CSMD1: variants seen among roughly 807,000 people sequenced by gnomAD.
CSMD1 encodes CUB and Sushi multiple domains 1.
CSMD1 carries 213 observed loss-of-function variants against 417.5 expected under a neutral mutation model. That is an observed-to-expected ratio of 0.51 (90% confidence interval 0.46 to 0.57). CSMD1 has a LOEUF of 0.57. Ranked by LOEUF, CSMD1 falls within the 20% of genes least tolerant of loss-of-function variation. The pLI, the probability that CSMD1 is intolerant of heterozygous loss-of-function variation, is 0.00. For missense variants in CSMD1, 6,923 were observed against 4,529.7 expected (o/e 1.53, Z -15.17); for synonymous variants, 2,862 against 1,736.8 (o/e 1.65, Z -16.11).
chr8:3,601,017 C>A (rs936652), intron 8 of CSMD1, among the ~76,000 whole-genome samples: 19,473 of 152,050 alleles, frequency 0.13, 1,510 homozygotes, highest in East Asian at 0.22. Flanking sequence ...GTGCAAGAAT[C>A]AGCTATGATT....
At chr8:4,296,504 G>C (rs1474674347) in intron 3 of CSMD1, among the ~76,000 whole-genome samples, 3 of 151,996 alleles carry the variant, frequency 2.0e-5, no homozygotes, top group Non-Finnish European at 4.4e-5. Flanking sequence ...TTTTCCCAAA[G>C]AGAGGGTTTA....
chr8:3,528,162 T>C lies in CSMD1; in HGVS notation c.1345-34436A>G, dbSNP rs189044874. On this transcript the variant is annotated intron_variant, in intron 10 of 69. Transcript: ENST00000635120. ...GGAGCTGACATAGAATTATTTTGCA[T>C]GGTTAACTCCCCTGGTAGAATCAAA... Among the ~76,000 whole-genome samples the C allele has an allele frequency of 3.9e-5, 6 of 152,346 alleles. No individual in the cohort carries two copies. The East Asian group carries it at 1.2e-3, about 29-fold the overall frequency.
At position 4,745,471 on chromosome 8, in the gene CSMD1, A is replaced by G. The variant is rs185949310; in HGVS notation, c.86-107913T>C. ...AAAGCTCTCTTAGATACTATTTAACACTGTGGTATCATATATTCTTTCTTA... is the reference window on the plus strand; with the variant it reads ...AAAGCTCTCTTAGATACTATTTAACGCTGTGGTATCATATATTCTTTCTTA... On this transcript the variant is annotated intron_variant, in intron 1 of 69. Coordinates refer to ENST00000635120, the MANE Select transcript of CSMD1 (RefSeq NM_033225.6). Among the ~76,000 whole-genome samples the G allele has an allele frequency of 1.7e-3, 255 of 152,330 alleles. 3 individuals are homozygous for G. The highest frequency in any genetic ancestry group is 5.9e-3 in the African/African-American group (245 of 41,590).
chr8:4,923,909 T>C lies in CSMD1; in HGVS notation c.85+70423A>G, dbSNP rs867153435. Among the ~76,000 whole-genome samples, 89 of 152,326 alleles carry C rather than the reference T, an allele frequency of 5.8e-4. No homozygotes were observed. In the Middle Eastern group the frequency reaches 0.014, roughly 23 times the overall value. Reference sequence around the variant, plus strand: ...ACTTTATCTGTATAGGTTTCTTTGGTTTGGGTTCTATGGAGGAAAGAAAGT... The same window carrying C: ...ACTTTATCTGTATAGGTTTCTTTGGCTTGGGTTCTATGGAGGAAAGAAAGT... On this transcript the variant is annotated intron_variant, in intron 1 of 69. Transcript: ENST00000635120.
intron 50 of CSMD1, among the ~76,000 whole-genome samples, chr8:3,036,790 C>G (rs187735953): frequency 6.6e-6 from 1 of 152,248 alleles, no homozygotes; most frequent in East Asian, 1.9e-4. Context: ...AAGACAAAAT[C>G]AAGAACATGG....
At chr8:3,488,941 G>C (rs978475367) in intron 11 of CSMD1, among the ~76,000 whole-genome samples, 1 of 152,072 alleles carries the variant, frequency 6.6e-6, no homozygotes. Context: ...AACCGAAAAT[G>C]TATTTAAGTC....
chr8:4,973,774 G>C (rs1810381709), intron 1 of CSMD1, among the ~76,000 whole-genome samples: 1 of 152,110 alleles, frequency 6.6e-6, no homozygotes, highest in African/African-American at 2.4e-5. Flanking sequence ...AGATGTAAAA[G>C]GGAAACTTAG....
At chr8:4,778,778 C>T (rs531182108) in intron 1 of CSMD1, among the ~76,000 whole-genome samples, 1 of 152,282 alleles carries the variant, frequency 6.6e-6, no homozygotes, top group Non-Finnish European at 1.5e-5. Context: ...TTTAGGAGAA[C>T]ATAACATACA....
chr8:4,758,296 T>C lies in CSMD1; in HGVS notation c.86-120738A>G, dbSNP rs554220231. ...TCAGCTGTTTCCCAACGTTGCCTTTTGAATGTTATGCTTAATTCGCTGGTT... is the reference window on the plus strand; with the variant it reads ...TCAGCTGTTTCCCAACGTTGCCTTTCGAATGTTATGCTTAATTCGCTGGTT... On this transcript the variant is annotated intron_variant, in intron 1 of 69. Transcript: ENST00000635120. Among the ~76,000 whole-genome samples the C allele has an allele frequency of 5.9e-5, 9 of 152,336 alleles. No homozygotes were observed. The East Asian group carries it at 1.7e-3, about 29-fold the overall frequency.
chr8:4,091,763 T>A (rs1455572589), intron 3 of CSMD1, among the ~76,000 whole-genome samples: 5 of 152,218 alleles, frequency 3.3e-5, no homozygotes, highest in African/African-American at 1.2e-4. Flanking sequence ...GTATTTAACA[T>A]ATTCTACTTT....
chr8:4,581,422 G>C (rs756064551), intron 2 of CSMD1, among the ~76,000 whole-genome samples: 4 of 151,804 alleles, frequency 2.6e-5, no homozygotes, highest in Non-Finnish European at 5.9e-5. Context: ...TTATCTTTTT[G>C]AGCTTGGCAG....
chr8:4,217,536 GTCT>G (rs1800757102), intron 3 of CSMD1, among the ~76,000 whole-genome samples: 1 of 152,124 alleles, frequency 6.6e-6, no homozygotes, highest in Non-Finnish European at 1.5e-5. Flanking sequence ...TGGTGGAAGT[GTCT>G]TCTTGAATAA....
At chr8:3,758,839 T>G (rs1365718106) in intron 5 of CSMD1, among the ~76,000 whole-genome samples, 2 of 152,064 alleles carry the variant, frequency 1.3e-5, no homozygotes, top group Non-Finnish European at 2.9e-5. Context: ...ATGGGGAGAT[T>G]ATACTAGATT....
intron 2 of CSMD1, among the ~76,000 whole-genome samples, chr8:4,482,389 T>G (rs960891690): frequency 1.3e-5 from 2 of 152,182 alleles, no homozygotes; most frequent in African/African-American, 4.8e-5. Context: ...GATAATGGCC[T>G]CCAGCTCCAT....
chr8:4,254,338 G>A (rs951607207), intron 3 of CSMD1, among the ~76,000 whole-genome samples: 4 of 152,154 alleles, frequency 2.6e-5, no homozygotes, highest in Non-Finnish European at 4.4e-5. Flanking sequence ...GTTCTATGGA[G>A]AGTCTGCTTG....
chr8:3,800,973 A>C (rs1800422704), intron 5 of CSMD1, among the ~76,000 whole-genome samples: 1 of 152,192 alleles, frequency 6.6e-6, no homozygotes, highest in Non-Finnish European at 1.5e-5. Flanking sequence ...CACAAAACAG[A>C]CTAAGACAAT....
At chr8:4,717,636 C>T (rs895128035) in intron 1 of CSMD1, among the ~76,000 whole-genome samples, 2 of 151,594 alleles carry the variant, frequency 1.3e-5, no homozygotes, top group East Asian at 1.9e-4. Context: ...ATTTCTACAA[C>T]GGGGAAAGCA....
At chr8:2,958,178 G>T (rs1161167466) in intron 62 of CSMD1, among the ~76,000 whole-genome samples, 2 of 151,588 alleles carry the variant, frequency 1.3e-5, no homozygotes, top group Middle Eastern at 3.2e-3. Flanking sequence ...AATTACTTTT[G>T]TTAGCATTCC....
rs186717406 is a variant in CSMD1, at chr8:4,837,785, T to C, written c.85+156547A>G. On this transcript the variant is annotated intron_variant, in intron 1 of 69. Coordinates refer to ENST00000635120, the MANE Select transcript of CSMD1 (RefSeq NM_033225.6). ...CATTGTTTGTAACTCAAAGGATAAA[T>C]GCCGGCTGGGATGGATATATCGTTC... Among the ~76,000 whole-genome samples the C allele has an allele frequency of 6.6e-5, 10 of 152,218 alleles. No individual in the cohort carries two copies. The East Asian group carries it at 1.9e-3, about 29-fold the overall frequency.
Sources: gnomAD v4.1 joint callset for allele counts (sites outside exome capture counted in the v4.1 genomes callset) on GRCh38, gnomAD v4.1.1 for gene constraint, MANE v1.5 for transcripts, NCBI Gene and HGNC (gene_info 2026-07-23, HGNC 2026-07-21) for gene names.